Variants in GPRC5C observed in about 807,000 individuals in gnomAD.
The protein encoded by GPRC5C is G protein-coupled receptor family C group 5 member C.
A neutral mutation model predicts 31.4 loss-of-function variants in GPRC5C; 22 were observed. The ratio of observed to expected loss-of-function variants is 0.70; its 90% CI spans 0.50 to 1.00. GPRC5C has a LOEUF of 1.00. GPRC5C is among the 50% of genes least tolerant of loss of function. GPRC5C has a pLI of 0.00. For missense variants in GPRC5C, 557 were observed against 597.2 expected, an observed-to-expected ratio of 0.93 and a Z score of 0.70; for synonymous variants, 249 against 257.5, an observed-to-expected ratio of 0.97 and a Z score of 0.32.
chr17:74,444,485 C>T (rs952724832), intron 3 of GPRC5C, among the ~76,000 whole-genome samples: 1 of 152,140 alleles, frequency 6.6e-6, no homozygotes, highest in Non-Finnish European at 1.5e-5. Flanking sequence ...TTGGATTCTA[C>T]TCACTCCTAT....
chr17:74,436,415 C>G (rs532026084), intron 1 of GPRC5C, among the ~76,000 whole-genome samples: 1 of 152,082 alleles, frequency 6.6e-6, no homozygotes. Context: ...TAAAACTCTG[C>G]GGAACAGTCT....
downstream of GPRC5C, chr17:74,449,609 G>C (rs1030628708): frequency 4.2e-5 from 12 of 285,558 alleles, no homozygotes; most frequent in Non-Finnish European, 7.8e-5. Context: ...CAGCTACAAG[G>C]AGCTGTCCGC....
At chr17:74,432,565 G>T (rs1049792734) in intron 1 of GPRC5C, 21 of 976,772 alleles carry the variant, frequency 2.1e-5, no homozygotes, top group Non-Finnish European at 2.6e-5. Flanking sequence ...CGGAAGAGTC[G>T]GGTCGGGACG....
At chr17:74,448,006 G>A (rs1008271735), downstream of GPRC5C, among the ~76,000 whole-genome samples, 10 of 152,164 alleles carry the variant, frequency 6.6e-5, no homozygotes, top group African/African-American at 9.7e-5. Context: ...GTTCCCGAGC[G>A]GTCATTAAAA....
intron 3 of GPRC5C, among the ~76,000 whole-genome samples, chr17:74,444,621 CTG>C (rs1361275408): frequency 5.3e-5 from 8 of 152,186 alleles, no homozygotes; most frequent in Admixed American, 3.3e-4. Context: ...CCCGCCCTCT[CTG>C]TGAGAGCCGC....
downstream of GPRC5C, chr17:74,449,284 G>A (rs1025713195): frequency 3.3e-5 from 36 of 1,087,708 alleles, no homozygotes; most frequent in Non-Finnish European, 4.5e-5. Context: ...CAGTTCTTGG[G>A]CCCCACGCAG....
chr17:74,432,487 A>C, intron 1 of GPRC5C: 4 of 1,033,144 alleles, frequency 3.9e-6, no homozygotes, highest in East Asian at 8.7e-5. Context: ...GTTGGCCCCA[A>C]ACGCTGCGCT....
chr17:74,432,236 A>G (rs2055361126), intron 1 of GPRC5C, 95 bp downstream of exon 1: 1 of 1,539,234 alleles, frequency 6.5e-7, no homozygotes, highest in Non-Finnish European at 8.8e-7. Flanking sequence ...AGCGCCCTGA[A>G]TGGAGGTGAT....
chr17:74,442,777 G>A (rs1174842688), intron 2 of GPRC5C, among the ~76,000 whole-genome samples: 4 of 152,234 alleles, frequency 2.6e-5, no homozygotes, highest in Admixed American at 6.5e-5. Flanking sequence ...GCCCACCTGG[G>A]CTGAGGTGCT....
intron 2 of GPRC5C, among the ~76,000 whole-genome samples, chr17:74,441,741 C>T (rs1156940260): frequency 6.6e-6 from 1 of 151,818 alleles, no homozygotes; most frequent in African/African-American, 2.4e-5. Flanking sequence ...GGAGGATTGC[C>T]TGAGCCCAGG....
intron 3 of GPRC5C, chr17:74,446,050 A>G (rs569989905): frequency 6.2e-5 from 9 of 144,052 alleles, no homozygotes; most frequent in Non-Finnish European, 1.2e-4. Flanking sequence ...CGGCCAGACT[A>G]GATGCCTAGA....
chr17:74,433,555 G>C (rs1019510222), intron 1 of GPRC5C: 4 of 697,536 alleles, frequency 5.7e-6, no homozygotes, highest in Non-Finnish European at 1.0e-5. Context: ...GCACAGAGGG[G>C]TGAGACAGTG....
chr17:74,438,237 AT>A (rs2055469333), intron 1 of GPRC5C, among the ~76,000 whole-genome samples: 1 of 115,080 alleles, frequency 8.7e-6, no homozygotes, highest in Non-Finnish European at 1.6e-5. Flanking sequence ...ATATATATAT[AT>A]ATATATATAT....
rs1395615893 is a variant in GPRC5C at position 74,432,129 on chromosome 17, G to T, written c.-45G>T. On this transcript the variant is annotated 5_prime_UTR_variant, in exon 1 of 4. Transcript: ENST00000392627. ...CTCACCAGCCGGAAAGTACGAGTCG[G>T]CTCAGCCTGGAGGTGAGTCGGGGCG... 3 of 1,612,768 alleles carry T rather than the reference G, an allele frequency of 1.9e-6. No homozygotes were observed. The highest frequency in any genetic ancestry group is 3.3e-5 in the Admixed American group (2 of 59,922).
intron 2 of GPRC5C, among the ~76,000 whole-genome samples, chr17:74,441,711 C>T (rs1433154308): frequency 2.0e-5 from 3 of 152,118 alleles, no homozygotes; most frequent in South Asian, 4.2e-4. Context: ...ATGGTCCCAG[C>T]TCCTCAGGAG....
intron 1 of GPRC5C, among the ~76,000 whole-genome samples, chr17:74,434,591 C>T (rs1406127231): frequency 6.6e-6 from 1 of 152,206 alleles, no homozygotes; most frequent in African/African-American, 2.4e-5. Context: ...CTGACCAGAG[C>T]TGAGTCCATC....
downstream of GPRC5C, chr17:74,449,237 C>A: frequency 1.8e-6 from 1 of 550,246 alleles, no homozygotes; most frequent in Non-Finnish European, 3.1e-6. Flanking sequence ...ATTGCATTAG[C>A]CTCCTGGGGA....
At chr17:74,449,530 G>T (rs1304243920), downstream of GPRC5C, 6 of 355,972 alleles carry the variant, frequency 1.7e-5, no homozygotes, top group African/African-American at 6.5e-5. Context: ...AGCCCTGAGT[G>T]TGTGACTGGA....
downstream of GPRC5C, among the ~76,000 whole-genome samples, chr17:74,448,292 C>T (rs1037710780): frequency 4.6e-5 from 7 of 152,218 alleles, no homozygotes; most frequent in East Asian, 5.8e-4. Flanking sequence ...CAGAGCGAGA[C>T]TCTGTCTCAA....
Sources: allele counts gnomAD v4.1 joint callset (sites outside exome capture counted in the v4.1 genomes callset), GRCh38; gene constraint gnomAD v4.1.1; transcripts MANE v1.5; gene names NCBI Gene and HGNC (gene_info 2026-07-23, HGNC 2026-07-21).